Variants in HMCN1 observed in about 807,000 individuals in gnomAD.
HMCN1 encodes hemicentin 1, also known as hemicentin-1.
In HMCN1, 321 loss-of-function variants were observed where a neutral mutation model predicts 625.9. That is an observed-to-expected ratio of 0.51 (90% CI 0.47 to 0.56). HMCN1 has a LOEUF of 0.56. Among genes scored for constraint, HMCN1 ranks in the 20% least tolerant of loss-of-function variants. The pLI is 0.00. For synonymous variants in HMCN1, 2,425 were observed against 2,417.6 expected, an observed-to-expected ratio of 1.00 and a Z score of -0.09; for missense variants, 6,588 against 6,887.3, an observed-to-expected ratio of 0.96 and a Z score of 1.54.
At chr1:186,126,980 G>A (rs753051267) in intron 82 of HMCN1, among the ~76,000 whole-genome samples, 11 of 152,104 alleles carry the variant, frequency 7.2e-5, no homozygotes, top group Non-Finnish European at 1.6e-4. Flanking sequence ...AGAACTCAAA[G>A]CAGGATGTTA....
intron 1 of HMCN1, among the ~76,000 whole-genome samples, chr1:185,764,500 C>G (rs1383377277): frequency 6.6e-6 from 1 of 152,112 alleles, no homozygotes; most frequent in African/African-American, 2.4e-5. Flanking sequence ...AAGATTGTAG[C>G]ATGGATTTTC....
chr1:186,123,635 A>C (rs887906513), intron 81 of HMCN1, among the ~76,000 whole-genome samples: 2 of 152,208 alleles, frequency 1.3e-5, no homozygotes, highest in Non-Finnish European at 2.9e-5. Context: ...GATCTATTTG[A>C]TTCATTATAT....
Position 186,182,277 on chromosome 1 carries a change from G to T in HMCN1, c.16404G>T (p.Lys5468Asn). 1 of 1,613,412 alleles carries T rather than the reference G, an allele frequency of 6.2e-7. No homozygotes were observed. The highest frequency in any genetic ancestry group is 8.5e-7 in the Non-Finnish European group (1 of 1,179,478). ...PPGYQLTHNG[K>N]TCQDIDECLE... ...GCTATCAACTCACACACAATGGAAA[G>T]ACATGCCAAGGTGAGAAAACATTGG... The change falls in exon 105 of 107, where the codon AAG becomes AAT. Residue 5468 changes from lysine (K) to asparagine (N), a missense_variant. Physicochemically the swap from Lys to Asn is moderately conservative, Grantham distance 94. Coordinates refer to ENST00000271588, the MANE Select transcript of HMCN1 (RefSeq NM_031935.3).
At chr1:186,059,105 A>G (rs890521477) in intron 46 of HMCN1, among the ~76,000 whole-genome samples, 2 of 151,862 alleles carry the variant, frequency 1.3e-5, no homozygotes, top group African/African-American at 2.4e-5. Flanking sequence ...TCCAATACCT[A>G]TTTCTTGTTA....
In HMCN1 at chr1:185,911,590, C is replaced by G. The variant is rs141660487; in HGVS notation, c.794-84C>G. On this transcript the variant is annotated intron_variant, in intron 5 of 106. Coordinates refer to ENST00000271588, the MANE Select transcript of HMCN1 (RefSeq NM_031935.3). Reference sequence around the variant, plus strand: ...GTGTTATTTGAAATTTGATCATGCTCTTAGTTTTATGTAGTGTTAAATTAG... The same window carrying G: ...GTGTTATTTGAAATTTGATCATGCTGTTAGTTTTATGTAGTGTTAAATTAG... 1.9e-3 allele frequency: 1,894 copies of G among 1,001,616 alleles called. 6 individuals are homozygous for G. The highest frequency in any genetic ancestry group is 2.7e-3 in the Non-Finnish European group (1,659 of 623,278). 62.0% of individuals were successfully genotyped at this position (1,001,616 alleles called of 1,614,324 possible).
chr1:186,122,884 A>G (rs1440846855), intron 80 of HMCN1, 67 bp from the exon 81 acceptor site: 5 of 1,477,600 alleles, frequency 3.4e-6, no homozygotes, highest in Non-Finnish European at 4.7e-6. Context: ...GCAGTACTGT[A>G]GTATGTAATT....
chr1:186,052,005 C>G (rs1449822796), intron 42 of HMCN1, among the ~76,000 whole-genome samples: 1 of 151,858 alleles, frequency 6.6e-6, no homozygotes, highest in Non-Finnish European at 1.5e-5. Context: ...ACTGAGTAGA[C>G]AGAGTATTTA....
intron 6 of HMCN1, among the ~76,000 whole-genome samples, chr1:185,918,154 G>T (rs1666819022): frequency 6.6e-6 from 1 of 152,166 alleles, no homozygotes; most frequent in African/African-American, 2.4e-5. Flanking sequence ...AGCTGGGGAA[G>T]AAAGAAGCCG....
chr1:185,932,360 A>C (rs964807905), intron 10 of HMCN1, among the ~76,000 whole-genome samples: 4 of 152,196 alleles, frequency 2.6e-5, no homozygotes, highest in Non-Finnish European at 5.9e-5. Context: ...TCTTCATTCT[A>C]GGCTTATGAT....
Position 185,930,769 on chromosome 1 carries a change from CACAT to C in HMCN1, c.1552+2104_1552+2107del, listed in dbSNP as rs1347047746. Among the ~76,000 whole-genome samples, 5 of 152,176 alleles carry C rather than the reference CACAT, an allele frequency of 3.3e-5. No homozygotes were observed. The South Asian group carries it at 6.2e-4, about 19-fold the overall frequency. ...GTTCTTCTCTTTTATTGAATATAAA[CACAT>C]AGAATCTAATGAATAAAACTGCAGA... is the stretch of plus-strand genomic sequence containing the variant. On this transcript the variant is annotated intron_variant, in intron 10 of 106. Coordinates refer to ENST00000271588, the MANE Select transcript of HMCN1 (RefSeq NM_031935.3).
At chr1:185,989,772 ATTT>A (rs1156913510) in intron 21 of HMCN1, 125 bp downstream of exon 21, 12,293 of 528,108 alleles carry the variant, frequency 0.023, 195 homozygotes, top group African/African-American at 0.11. Context: ...CCAGATTTCT[ATTT>A]TTTTTTTTTT....
At chr1:185,953,262 G>A (rs571215373) in intron 11 of HMCN1, among the ~76,000 whole-genome samples, 2 of 151,812 alleles carry the variant, frequency 1.3e-5, no homozygotes, top group Middle Eastern at 3.4e-3. Context: ...TAGAGAGAAG[G>A]GGTTGGGGTA....
At chr1:186,165,289 A>G (rs1651811064) in intron 98 of HMCN1, 116 bp downstream of exon 98, 1 of 919,672 alleles carries the variant, frequency 1.1e-6, no homozygotes, top group Admixed American at 2.0e-5. Flanking sequence ...ACAGTTCTGT[A>G]AACATCCCAT....
At chr1:185,954,055 C>G (rs939300721) in intron 11 of HMCN1, among the ~76,000 whole-genome samples, 6 of 151,318 alleles carry the variant, frequency 4.0e-5, no homozygotes, top group Non-Finnish European at 7.4e-5. Flanking sequence ...AAGGCAAGGA[C>G]CGGCCATTTA....
At position 186,093,662 on chromosome 1, in the gene HMCN1, G is replaced by T. The variant is rs760192360; in HGVS notation, c.10189G>T (p.Val3397Phe). Reference protein sequence around the residue: ...SHIRLLAAGQVIRIVRAQVSD... With the variant: ...SHIRLLAAGQFIRIVRAQVSD... ...TATCCGGTTACTGGCAGCAGGACAA[G>T]TTATCAGGTCAGCTTTTATTGTGTC... is the stretch of plus-strand genomic sequence containing the variant. The change falls in exon 66 of 107, where the codon GTT (valine) becomes TTT (phenylalanine). Residue 3397 changes from valine to phenylalanine, a missense_variant. By Grantham distance (50) the Val-to-Phe change is conservative (BLOSUM62 -1). This residue lies in a region of HMCN1 where 4,628 missense variants were observed against 4,853.1 expected (regional missense o/e 0.95). Transcript: ENST00000271588. 1.6e-5 allele frequency: 26 copies of T among 1,613,226 alleles called. No homozygotes were observed. The South Asian group carries it at 2.5e-4, about 16-fold the overall frequency.
intron 4 of HMCN1, among the ~76,000 whole-genome samples, chr1:185,895,411 T>C (rs1217841735): frequency 6.6e-6 from 1 of 152,224 alleles, no homozygotes; most frequent in Non-Finnish European, 1.5e-5. Context: ...TCTTTCCTAC[T>C]CAGGAATGTT....
At chr1:185,970,543 T>C in intron 15 of HMCN1, 50 bp downstream of exon 15, 1 of 1,465,504 alleles carries the variant, frequency 6.8e-7, no homozygotes, top group South Asian at 1.1e-5. Flanking sequence ...TGATATGTTA[T>C]TTTTCATGTT....
chr1:185,847,851 G>A (rs1661922349), intron 2 of HMCN1, among the ~76,000 whole-genome samples: 1 of 152,026 alleles, frequency 6.6e-6, no homozygotes, highest in Non-Finnish European at 1.5e-5. Flanking sequence ...TACTTGGAAA[G>A]GTGAGGGTGG....
At chr1:185,926,311 A>G (rs893839445) in intron 9 of HMCN1, among the ~76,000 whole-genome samples, 3 of 152,154 alleles carry the variant, frequency 2.0e-5, no homozygotes, top group African/African-American at 7.2e-5. Context: ...TGGCAGGAAT[A>G]TTCATCATAA....
Sources: allele counts gnomAD v4.1 joint callset (sites outside exome capture counted in the v4.1 genomes callset), GRCh38; gene constraint gnomAD v4.1.1; regional missense constraint gnomAD v4.1.1; transcripts MANE v1.5; gene names NCBI Gene and HGNC (gene_info 2026-07-23, HGNC 2026-07-21).